Variants in DPYD observed in about 807,000 individuals in gnomAD.
The protein encoded by DPYD is dihydropyrimidine dehydrogenase [NADP(+)].
DPYD carries 109 observed loss-of-function variants against 116.2 expected under a neutral mutation model. That is an observed-to-expected ratio of 0.94 (90% CI 0.80 to 1.10). DPYD has a LOEUF of 1.10. Ranked by LOEUF, DPYD falls within the 50% of genes least tolerant of loss-of-function variation. DPYD has a pLI of 0.00. For missense variants in DPYD, 1,302 were observed against 1,254.5 expected (o/e 1.04, Z -0.57); for synonymous variants, 440 against 432.0 (o/e 1.02, Z -0.23).
intron 21 of DPYD, among the ~76,000 whole-genome samples, chr1:97,085,784 C>A (rs940667104): frequency 4.7e-4 from 71 of 152,114 alleles, no homozygotes; most frequent in African/African-American, 1.7e-3. Flanking sequence ...ATCAGGGAAC[C>A]CATATTCATT....
rs373011831 is a variant in DPYD at position 97,239,386 on chromosome 1, A to G, written c.2300-4392T>C. Among the ~76,000 whole-genome samples, 45 of 152,222 alleles carry G rather than the reference A, an allele frequency of 3.0e-4. No homozygotes were observed. In the East Asian group the frequency reaches 7.3e-3, roughly 25 times the overall value. ...ATTATATATTGATATATGTGTATTA[A>G]TGTATTATGACAATCAGGTTCCTTA... On this transcript the variant is annotated intron_variant, in intron 18 of 22. Transcript: ENST00000370192.
chr1:97,653,550 G>T (rs896483574), intron 8 of DPYD, among the ~76,000 whole-genome samples: 1 of 151,910 alleles, frequency 6.6e-6, no homozygotes, highest in African/African-American at 2.4e-5. Flanking sequence ...TGATCTGCCC[G>T]CCTCGGCCTC....
At chr1:97,302,543 A>G (rs1666925734) in intron 18 of DPYD, among the ~76,000 whole-genome samples, 1 of 151,970 alleles carries the variant, frequency 6.6e-6, no homozygotes, top group South Asian at 2.1e-4. Flanking sequence ...AAGACCTTGG[A>G]GTGAGGTCCT....
intron 7 of DPYD, among the ~76,000 whole-genome samples, chr1:97,686,953 G>GAAAAAAACCAACCCCATTA (rs1660769726): frequency 1.3e-5 from 2 of 151,780 alleles, no homozygotes; most frequent in Non-Finnish European, 2.9e-5. Flanking sequence ...AAATTTACAA[G>GAAAAAAACCAACCCCATTA]AAAAAAACCA....
intron 11 of DPYD, among the ~76,000 whole-genome samples, chr1:97,556,334 T>A (rs562805623): frequency 7.2e-5 from 11 of 151,850 alleles, no homozygotes; most frequent in South Asian, 6.2e-4. Context: ...CCTTTTTTTT[T>A]ATTTTATTTT....
intron 3 of DPYD, among the ~76,000 whole-genome samples, chr1:97,808,886 T>C (rs1166125425): frequency 6.6e-6 from 1 of 152,162 alleles, no homozygotes; most frequent in Middle Eastern, 3.2e-3. Flanking sequence ...TTGAAAAGTT[T>C]TCATGTTTAA....
chr1:97,125,629 G>T (rs1357024374), intron 20 of DPYD, among the ~76,000 whole-genome samples: 1 of 152,076 alleles, frequency 6.6e-6, no homozygotes, highest in Non-Finnish European at 1.5e-5. Flanking sequence ...CCTCCAAAGT[G>T]ATGGTAGTAG....
At chr1:97,521,557 A>G (rs1395725508) in intron 12 of DPYD, among the ~76,000 whole-genome samples, 6 of 152,178 alleles carry the variant, frequency 3.9e-5, no homozygotes, top group Non-Finnish European at 5.9e-5. Context: ...AGAAAAAAGT[A>G]CTTTAAATTT....
intron 16 of DPYD, among the ~76,000 whole-genome samples, chr1:97,320,587 C>T (rs1231452656): frequency 1.7e-3 from 123 of 73,986 alleles, no homozygotes; most frequent in African/African-American, 5.1e-3. Flanking sequence ...TAAAAGAGGA[C>T]ACAAACAAAT....
rs1654466046 is a variant in DPYD at position 97,591,004 on chromosome 1, C to T, written c.1128+2214G>A. Among the ~76,000 whole-genome samples, 3 of 152,310 alleles carry T rather than the reference C, an allele frequency of 2.0e-5. No homozygotes were observed. In the South Asian group the frequency reaches 6.2e-4, roughly 32 times the overall value. ...CTACAATACATAATCCGGTCAGCCACATTCTGTCCTCTCTTACTCTATTCT... is the reference window on the plus strand; with the variant it reads ...CTACAATACATAATCCGGTCAGCCATATTCTGTCCTCTCTTACTCTATTCT... On this transcript the variant is annotated intron_variant, in intron 10 of 22. Transcript: ENST00000370192.
intron 3 of DPYD, among the ~76,000 whole-genome samples, chr1:97,794,474 T>C (rs1342901403): frequency 2.0e-5 from 3 of 152,236 alleles, no homozygotes; most frequent in Non-Finnish European, 2.9e-5. Context: ...TTCACCATTA[T>C]AGAAAAGCAA....
Position 97,920,758 on chromosome 1 carries a change from C to T in DPYD, c.39+126G>A, listed in dbSNP as rs1034701896. On this transcript the variant is annotated intron_variant, in intron 1 of 22. Transcript: ENST00000370192. The stretch of plus-strand genomic sequence containing the variant: ...CCTCCGCTCCCCCGCAGAGCTCCCA[C>T]GGGGGAAACTTTCCCGCGTCTCTCA... 2.1e-5 allele frequency: 28 copies of T among 1,361,308 alleles called. No homozygotes were observed. The Admixed American group carries it at 5.4e-4, about 26-fold the overall frequency. 84.3% of individuals were successfully genotyped at this position (1,361,308 alleles called of 1,614,324 possible).
intron 10 of DPYD, among the ~76,000 whole-genome samples, chr1:97,578,716 G>A (rs2102201083): frequency 6.6e-6 from 1 of 152,316 alleles, no homozygotes; most frequent in East Asian, 1.9e-4. Context: ...AAAGTGAAAG[G>A]TGAAGGGCTT....
intron 14 of DPYD, among the ~76,000 whole-genome samples, chr1:97,425,992 T>C (rs17116720): frequency 0.11 from 16,529 of 151,710 alleles, 1,310 homozygotes; most frequent in African/African-American, 0.22. Flanking sequence ...AGTGGTTCTA[T>C]GCAAAGGTGT....
intron 8 of DPYD, among the ~76,000 whole-genome samples, chr1:97,665,816 A>G (rs1571154944): frequency 6.6e-6 from 1 of 152,214 alleles, no homozygotes; most frequent in East Asian, 1.9e-4. Context: ...ACATCTTCTA[A>G]AATAATTCCA....
At chr1:97,834,666 A>C (rs963111260) in intron 2 of DPYD, among the ~76,000 whole-genome samples, 4 of 152,010 alleles carry the variant, frequency 2.6e-5, no homozygotes, top group African/African-American at 7.2e-5. Flanking sequence ...TGGTTACTAC[A>C]AAGCTTTTCT....
intron 3 of DPYD, among the ~76,000 whole-genome samples, chr1:97,800,036 A>G (rs921524593): frequency 1.3e-5 from 2 of 151,968 alleles, no homozygotes; most frequent in Admixed American, 6.6e-5. Flanking sequence ...ACTAGACTAT[A>G]GAAACATTCA....
chr1:97,774,445 G>A (rs375091335), intron 3 of DPYD, among the ~76,000 whole-genome samples: 1 of 152,122 alleles, frequency 6.6e-6, no homozygotes, highest in East Asian at 1.9e-4. Context: ...AGAGGCTGTG[G>A]CAATGTTACT....
At chr1:97,526,718 T>C (rs1393983803) in intron 12 of DPYD, among the ~76,000 whole-genome samples, 2 of 152,156 alleles carry the variant, frequency 1.3e-5, no homozygotes, top group Admixed American at 6.5e-5. Flanking sequence ...GTTCGGAAGA[T>C]AGTCTAAAAG....
Sources: gnomAD v4.1 joint callset for allele counts (sites outside exome capture counted in the v4.1 genomes callset) on GRCh38, gnomAD v4.1.1 for gene constraint, MANE v1.5 for transcripts, NCBI Gene and HGNC (gene_info 2026-07-23, HGNC 2026-07-21) for gene names.